HS3ST4: variants seen among roughly 807,000 people sequenced by gnomAD.
HS3ST4 encodes the protein heparan sulfate glucosamine 3-O-sulfotransferase 4.
A neutral mutation model predicts 29.2 loss-of-function variants in HS3ST4; 17 were observed. The observed-to-expected ratio is 0.58, with a 90% CI of 0.40 to 0.87. The LOEUF (loss-of-function observed/expected upper bound fraction) is 0.87, where lower values mean the gene tolerates loss of function less well. Ranked by LOEUF, HS3ST4 falls within the 40% of genes least tolerant of loss-of-function variation. HS3ST4 has a pLI of 0.00. For missense variants in HS3ST4, 627 were observed against 634.5 expected, an observed-to-expected ratio of 0.99 and a Z score of 0.13; for synonymous variants, 314 against 285.7, an observed-to-expected ratio of 1.10 and a Z score of -1.00.
At chr16:25,746,827 A>G (rs555815066) in intron 1 of HS3ST4, among the ~76,000 whole-genome samples, 2 of 152,078 alleles carry the variant, frequency 1.3e-5, no homozygotes, top group Non-Finnish European at 2.9e-5. Context: ...CTGGAATTAC[A>G]GGTGTGAGCC....
At chr16:25,802,726 T>C (rs1163004780) in intron 1 of HS3ST4, among the ~76,000 whole-genome samples, 1 of 152,122 alleles carries the variant, frequency 6.6e-6, no homozygotes, top group Non-Finnish European at 1.5e-5. Context: ...ACATGGCTTG[T>C]TTAGCAATGT....
rs56226178 is a variant in HS3ST4, at chr16:25,993,949, C to CGTGTGTGTGTGTGT, written c.735-141617_735-141604dup. On this transcript the variant is annotated intron_variant, in intron 1 of 1. Coordinates refer to ENST00000331351, the MANE Select transcript of HS3ST4 (RefSeq NM_006040.3). ...CATCTTGCCTATGCTCACATAACCT[C>CGTGTGTGTGTGTGT]GTGTGTGTGTGTGTGTGTGTGTGTG... Among the ~76,000 whole-genome samples, 27 of 121,318 alleles carry CGTGTGTGTGTGTGT rather than the reference C, an allele frequency of 2.2e-4. 1 individual carries two copies. Among genetic ancestry groups the CGTGTGTGTGTGTGT allele is most frequent in the Admixed American group, 2.5e-4 (3 of 12,026 alleles). 79.6% of individuals were successfully genotyped at this position (121,318 alleles called of 152,430 possible). A position where few individuals can be genotyped will look rare whatever the true frequency, so the allele number is the denominator to read the frequency against.
chr16:25,879,695 C>G (rs540972534), intron 1 of HS3ST4, among the ~76,000 whole-genome samples: 60 of 152,182 alleles, frequency 3.9e-4, no homozygotes, highest in African/African-American at 1.4e-3. Flanking sequence ...GATGAGGAAA[C>G]TGAACCTAAG....
chr16:25,828,296 CTTTCCCT>C (rs1967252137), intron 1 of HS3ST4, among the ~76,000 whole-genome samples: 36 of 74,044 alleles, frequency 4.9e-4, no homozygotes, highest in South Asian at 1.2e-3. Flanking sequence ...TTCTTTCTTT[CTTTCCCT>C]CTCTCTCTCT....
rs182206976 is a variant in HS3ST4 at position 26,019,880 on chromosome 16, A to T, written c.735-115732A>T. 1.2e-3 allele frequency among the ~76,000 whole-genome samples: 186 copies of T among 152,336 alleles called. 1 individual carries two copies. The highest frequency in any genetic ancestry group is 4.3e-3 in the African/African-American group (177 of 41,574). Reference sequence around the variant, plus strand: ...ATTTATGATTCTCATTCTGACTCGCATCACACAGCCACCACAATTGCTACT... The same window carrying T: ...ATTTATGATTCTCATTCTGACTCGCTTCACACAGCCACCACAATTGCTACT... On this transcript the variant is annotated intron_variant, in intron 1 of 1. Coordinates refer to ENST00000331351, the MANE Select transcript of HS3ST4 (RefSeq NM_006040.3).
At chr16:26,040,561 T>C (rs1243530292) in intron 1 of HS3ST4, among the ~76,000 whole-genome samples, 1 of 151,974 alleles carries the variant, frequency 6.6e-6, no homozygotes, top group East Asian at 1.9e-4. Flanking sequence ...CGCCTCAGCC[T>C]CCCAAAGTGC....
intron 1 of HS3ST4, among the ~76,000 whole-genome samples, chr16:25,828,302 C>CTT (rs1967253725): frequency 7.4e-4 from 14 of 18,874 alleles, no homozygotes; most frequent in Non-Finnish European, 9.4e-4. Context: ...CTTTCTTTCC[C>CTT]TCTCTCTCTC....
chr16:26,041,147 G>A (rs551985616), intron 1 of HS3ST4, among the ~76,000 whole-genome samples: 11 of 152,090 alleles, frequency 7.2e-5, no homozygotes, highest in Admixed American at 1.3e-4. Context: ...AGACCAGTCT[G>A]GGCAACACAG....
In HS3ST4 at chr16:26,136,284, A is replaced by G. The variant is rs751374416; in HGVS notation, c.*36A>G. ...GCAGAGGAAGGCTAGTCAATAAGCT[A>G]AGGAGGCTCCTTGCCTGAGTCCTTG... is the stretch of plus-strand genomic sequence containing the variant. On this transcript the variant is annotated 3_prime_UTR_variant, in exon 2 of 2. Transcript: ENST00000331351. 1.3e-6 allele frequency: 2 copies of G among 1,570,836 alleles called. No homozygotes were observed. The highest frequency in any genetic ancestry group is 2.4e-5 in the South Asian group (2 of 84,462).
intron 1 of HS3ST4, among the ~76,000 whole-genome samples, chr16:26,098,428 T>A (rs1374797872): frequency 6.6e-6 from 1 of 152,132 alleles, no homozygotes; most frequent in Non-Finnish European, 1.5e-5. Flanking sequence ...GTTCATGTCC[T>A]TTGCAGGGAC....
chr16:25,910,202 G>A (rs187829671), intron 1 of HS3ST4, among the ~76,000 whole-genome samples: 138 of 152,298 alleles, frequency 9.1e-4, no homozygotes, highest in Middle Eastern at 3.4e-3. Context: ...CTCTAAAAAC[G>A]TTGGTTATTT....
At chr16:25,911,496 G>GTTTTTTT (rs542274531) in intron 1 of HS3ST4, among the ~76,000 whole-genome samples, 10 of 82,014 alleles carry the variant, frequency 1.2e-4, no homozygotes, top group African/African-American at 4.3e-4. Flanking sequence ...CCGTTGTGTG[G>GTTTTTTT]TTTTTTTTTT....
At chr16:25,752,064 T>G (rs1406078226) in intron 1 of HS3ST4, among the ~76,000 whole-genome samples, 1 of 152,036 alleles carries the variant, frequency 6.6e-6, no homozygotes, top group African/African-American at 2.4e-5. Context: ...GGAGAATGGA[T>G]CAGACCAGCT....
rs899205523 is a variant in HS3ST4, at chr16:25,964,580, G to T, written c.735-171032G>T. Among the ~76,000 whole-genome samples the T allele has an allele frequency of 1.2e-4, 19 of 152,222 alleles. 1 individual carries two copies. The highest frequency in any genetic ancestry group is 4.3e-4 in the African/African-American group (18 of 41,526). On this transcript the variant is annotated intron_variant, in intron 1 of 1. Transcript: ENST00000331351. ...AAACTGAGGCATCTTTAAATAACCT[G>T]CTCAAAGACCCCAGCTAGGAAATGA... is the stretch of plus-strand genomic sequence containing the variant.
intron 1 of HS3ST4, among the ~76,000 whole-genome samples, chr16:25,793,073 T>C (rs998958138): frequency 2.0e-5 from 3 of 151,896 alleles, no homozygotes; most frequent in African/African-American, 7.2e-5. Context: ...GATATTTTAG[T>C]TTTTTTCTAG....
chr16:26,001,959 A>T (rs1218325164), intron 1 of HS3ST4, among the ~76,000 whole-genome samples: 5 of 152,144 alleles, frequency 3.3e-5, no homozygotes, highest in African/African-American at 1.2e-4. Flanking sequence ...GGACTTGGTA[A>T]CTAATTGAAC....
chr16:26,080,987 G>A (rs903349313), intron 1 of HS3ST4, among the ~76,000 whole-genome samples: 1 of 152,124 alleles, frequency 6.6e-6, no homozygotes, highest in Non-Finnish European at 1.5e-5. Context: ...GCCTTACTGA[G>A]TCAAAATCTG....
intron 1 of HS3ST4, among the ~76,000 whole-genome samples, chr16:25,914,378 TG>T (rs1394054914): frequency 2.0e-5 from 3 of 151,274 alleles, no homozygotes; most frequent in African/African-American, 7.3e-5. Flanking sequence ...CTGGATGTGA[TG>T]TTTTTATAGG....
At chr16:25,908,369 C>T (rs553432274) in intron 1 of HS3ST4, among the ~76,000 whole-genome samples, 1 of 152,268 alleles carries the variant, frequency 6.6e-6, no homozygotes, top group African/African-American at 2.4e-5. Flanking sequence ...GGGGAGCAGA[C>T]CAAAGATCAG....
Sources: gnomAD v4.1 joint callset for allele counts (sites outside exome capture counted in the v4.1 genomes callset) on GRCh38, gnomAD v4.1.1 for gene constraint, MANE v1.5 for transcripts, NCBI Gene and HGNC (gene_info 2026-07-23, HGNC 2026-07-21) for gene names.